The following KIF3C variants were observed in gnomAD, a reference collection of about 807,000 sequenced individuals.
KIF3C encodes the protein kinesin-like protein KIF3C.
A neutral mutation model predicts 67.7 loss-of-function variants in KIF3C; 12 were observed. That is an observed-to-expected ratio of 0.18 (90% CI 0.11 to 0.29). The LOEUF (loss-of-function observed/expected upper bound fraction) is 0.29. Ranked by LOEUF, KIF3C falls within the 10% of genes least tolerant of loss-of-function variation. KIF3C has a pLI of 1.00. For missense variants in KIF3C, 789 were observed against 1,059.6 expected (o/e 0.74, Z 3.55); for synonymous variants, 393 against 426.2 (o/e 0.92, Z 0.96).
intron 5 of KIF3C, among the ~76,000 whole-genome samples, chr2:25,946,074 C>T (rs1259586556): frequency 6.6e-6 from 1 of 151,906 alleles, no homozygotes; most frequent in African/African-American, 2.4e-5. Context: ...GATCATGCCA[C>T]TGCACTACAG....
chr2:25,959,384 G>A (rs1427167619), intron 1 of KIF3C, among the ~76,000 whole-genome samples: 1 of 152,194 alleles, frequency 6.6e-6, no homozygotes, highest in African/African-American at 2.4e-5. Context: ...TTAGCTCAGT[G>A]CTTGGCAGAT....
At position 25,928,945 on chromosome 2, in the gene KIF3C, G is replaced by A; in HGVS notation, c.*33C>T. The A allele has an allele frequency of 1.3e-6, 2 of 1,582,826 alleles. No individual in the cohort carries two copies. Among genetic ancestry groups the A allele is most frequent in the Non-Finnish European group, 1.7e-6 (2 of 1,155,508 alleles). ...CAGGGTTGGCTGCCCCATCCCAGGA[G>A]TCTATTGGATGGGCAGCCTGACGTG... On this transcript the variant is annotated 3_prime_UTR_variant, in exon 8 of 8. Transcript: ENST00000264712.
At chr2:25,933,081 T>A (rs1380370596) in intron 5 of KIF3C, among the ~76,000 whole-genome samples, 1 of 151,760 alleles carries the variant, frequency 6.6e-6, no homozygotes, top group Non-Finnish European at 1.5e-5. Context: ...TGAAACCCCG[T>A]CTCTAGTAAA....
At chr2:25,931,543 T>A (rs908272974) in intron 5 of KIF3C, among the ~76,000 whole-genome samples, 4 of 152,166 alleles carry the variant, frequency 2.6e-5, no homozygotes, top group Admixed American at 2.0e-4. Flanking sequence ...GAGGTACATA[T>A]TAATATTTCT....
Position 25,981,643 on chromosome 2 carries a change from G to T in KIF3C, c.275C>A (p.Thr92Lys). The change falls in exon 1 of 8, where the codon ACG (threonine) becomes AAG (lysine). Residue 92 changes from threonine to lysine, a missense_variant. Thr to Lys is a moderately conservative substitution (Grantham distance 78). This residue lies in a region of KIF3C where 141 missense variants were observed against 251.8 expected (regional missense o/e 0.56). Coordinates refer to ENST00000264712, the MANE Select transcript of KIF3C (RefSeq NM_002254.8). This position sits in a 1 kb window ranked among gnomAD's most constrained non-coding sequence, Gnocchi z 8.2. ...IDSVLQGFNG[T>K]VFAYGQTGTG... Reference sequence around the variant, plus strand: ...GCCCGTCTGGCCATAGGCAAACACCGTGCCATTGAAACCCTGGAGCACGGA... The same window carrying T: ...GCCCGTCTGGCCATAGGCAAACACCTTGCCATTGAAACCCTGGAGCACGGA... The T allele has an allele frequency of 6.2e-7, 1 of 1,614,150 alleles. No homozygotes were observed. Among genetic ancestry groups the T allele is most frequent in the Non-Finnish European group, 8.5e-7 (1 of 1,180,034 alleles).
intron 1 of KIF3C, among the ~76,000 whole-genome samples, chr2:25,969,693 A>G (rs555278925): frequency 3.3e-5 from 5 of 151,700 alleles, no homozygotes; most frequent in African/African-American, 1.2e-4. Flanking sequence ...GTCCTTGGCC[A>G]TGGTTACTTA....
chr2:25,956,223 G>T, intron 2 of KIF3C, 120 bp downstream of exon 2: 1 of 767,330 alleles, frequency 1.3e-6, no homozygotes, highest in South Asian at 1.7e-5. Context: ...TGGCATGTCT[G>T]AGATTCTCAG....
intron 1 of KIF3C, among the ~76,000 whole-genome samples, chr2:25,971,870 G>GC (rs1232860087): frequency 4.7e-5 from 3 of 63,940 alleles, no homozygotes; most frequent in South Asian, 5.0e-4. Flanking sequence ...ACCATGCCTA[G>GC]CTTTTTTTTT....
At chr2:25,942,868 T>C (rs967599416) in intron 5 of KIF3C, among the ~76,000 whole-genome samples, 4 of 152,160 alleles carry the variant, frequency 2.6e-5, no homozygotes, top group African/African-American at 7.2e-5. Flanking sequence ...GGAATATTTC[T>C]CAAGAGCTGC....
chr2:25,964,701 C>T (rs1574493669), intron 1 of KIF3C, among the ~76,000 whole-genome samples: 1 of 152,190 alleles, frequency 6.6e-6, no homozygotes, highest in African/African-American at 2.4e-5. Context: ...TTTATTCAGC[C>T]TCCACCTTCC....
Position 25,957,969 on chromosome 2 carries a change from A to G in KIF3C, c.1546-1525T>C, listed in dbSNP as rs182428648. Reference sequence around the variant, plus strand: ...CTTGCCACAGACCTAAACCCATCCTAGGCTCCTCCTTCACACTCCAGGTCA... The same window carrying G: ...CTTGCCACAGACCTAAACCCATCCTGGGCTCCTCCTTCACACTCCAGGTCA... On this transcript the variant is annotated intron_variant, in intron 1 of 7. Coordinates refer to ENST00000264712, the MANE Select transcript of KIF3C (RefSeq NM_002254.8). Among the ~76,000 whole-genome samples the G allele has an allele frequency of 1.8e-3, 279 of 152,186 alleles. 7 individuals are homozygous for G. The South Asian group carries it at 0.038, about 21-fold the overall frequency.
At chr2:25,942,465 C>G (rs941851194) in intron 5 of KIF3C, among the ~76,000 whole-genome samples, 5 of 151,258 alleles carry the variant, frequency 3.3e-5, no homozygotes, top group African/African-American at 1.2e-4. Context: ...GGCTGGAGTG[C>G]AATAGCACGA....
At chr2:25,934,534 C>T (rs2090489590) in intron 5 of KIF3C, among the ~76,000 whole-genome samples, 1 of 151,700 alleles carries the variant, frequency 6.6e-6, no homozygotes, top group African/African-American at 2.4e-5. Context: ...AGCCGACTCG[C>T]ACCCCACTGC....
At chr2:25,969,251 A>G (rs143241931) in intron 1 of KIF3C, among the ~76,000 whole-genome samples, 95 of 151,564 alleles carry the variant, frequency 6.3e-4, no homozygotes, top group African/African-American at 1.9e-3. Context: ...TCAATTATTC[A>G]TTACCTTTAA....
At chr2:25,932,418 C>T (rs1208302752) in intron 5 of KIF3C, among the ~76,000 whole-genome samples, 2 of 151,116 alleles carry the variant, frequency 1.3e-5, no homozygotes, top group Non-Finnish European at 2.9e-5. Context: ...GGATTATAGG[C>T]ATGAGCCACT....
intron 5 of KIF3C, among the ~76,000 whole-genome samples, chr2:25,937,528 A>T (rs966522454): frequency 2.6e-5 from 4 of 152,164 alleles, no homozygotes; most frequent in African/African-American, 7.2e-5. Flanking sequence ...CCTGCTGCAG[A>T]CGCTGCTGGA....
intron 4 of KIF3C, 120 bp from the exon 5 acceptor site, chr2:25,952,025 C>T (rs1663629298): frequency 2.9e-6 from 2 of 701,068 alleles, no homozygotes; most frequent in Admixed American, 2.0e-5. Context: ...GGCACGGTGG[C>T]TCACGCCTGT....
At chr2:25,941,784 C>T (rs1217441053) in intron 5 of KIF3C, among the ~76,000 whole-genome samples, 1 of 152,012 alleles carries the variant, frequency 6.6e-6, no homozygotes, top group Non-Finnish European at 1.5e-5. Flanking sequence ...CCCAGCTACC[C>T]AGGAGGCTGA....
chr2:25,975,824 G>C (rs937179797), intron 1 of KIF3C, among the ~76,000 whole-genome samples: 3 of 152,056 alleles, frequency 2.0e-5, no homozygotes, highest in Non-Finnish European at 4.4e-5. Flanking sequence ...CGGGCGTGGT[G>C]GTGGGCGCCT....
Sources: gnomAD v4.1 joint callset for allele counts (sites outside exome capture counted in the v4.1 genomes callset) on GRCh38, gnomAD v4.1.1 for gene constraint, gnomAD v4.1.1 regional missense constraint, Gnocchi (gnomAD v3.1) non-coding constraint, MANE v1.5 for transcripts, NCBI Gene and HGNC (gene_info 2026-07-23, HGNC 2026-07-21) for gene names.